Variants in ALLC observed in about 807,000 individuals in gnomAD.
ALLC encodes probable inactive allantoicase.
In ALLC, 40 loss-of-function variants were observed where a neutral mutation model predicts 45.0. The ratio of observed to expected loss-of-function variants is 0.89; its 90% CI spans 0.69 to 1.16. The LOEUF (loss-of-function observed/expected upper bound fraction) is 1.16, where lower values mean the gene tolerates loss of function less well. Among genes scored for constraint, ALLC ranks in the 50% most tolerant of loss-of-function variants. The pLI is 0.00. For missense variants in ALLC, 488 were observed against 493.1 expected (o/e 0.99, Z 0.10); for synonymous variants, 176 against 178.1 (o/e 0.99, Z 0.09).
At chr2:3,695,442 C>T in intron 7 of ALLC, 1 of 381,436 alleles carries the variant, frequency 2.6e-6, no homozygotes, top group East Asian at 5.0e-5. Context: ...GAGGAGACAA[C>T]TTCAGAGCAT....
intron 1 of ALLC, among the ~76,000 whole-genome samples, chr2:3,666,586 A>G (rs1428697016): frequency 6.6e-6 from 1 of 152,234 alleles, no homozygotes; most frequent in African/African-American, 2.4e-5. Context: ...AGAGGCAGAT[A>G]ATAAATATAT....
upstream of ALLC, among the ~76,000 whole-genome samples, chr2:3,653,759 G>A (rs556274469): frequency 2.6e-4 from 40 of 152,090 alleles, no homozygotes; most frequent in African/African-American, 9.4e-4. This position sits in a 1 kb window ranked among gnomAD's most constrained non-coding sequence, Gnocchi z 4.1. Context: ...GCAGAGCTGA[G>A]GGAAGACTCT....
chr2:3,651,296 TTGGGTGGGTGGGTGGGTG>T, the ALLC span, among the ~76,000 whole-genome samples: 36 of 3,940 alleles, frequency 9.1e-3, 6 homozygotes, highest in Middle Eastern at 0.062. Context: ...GGAATTCTTT[TTGGGTGGGTGGGTGGGTG>T]GGGGGGGTGT....
chr2:3,653,181 A>G, the ALLC span, among the ~76,000 whole-genome samples: 1 of 152,272 alleles, frequency 6.6e-6, no homozygotes, highest in Non-Finnish European at 1.5e-5. This position sits in a 1 kb window ranked among gnomAD's most constrained non-coding sequence, Gnocchi z 4.1. Flanking sequence ...CTCCACTCAG[A>G]GCTGGAGCAT....
intron 7 of ALLC, among the ~76,000 whole-genome samples, chr2:3,691,433 T>G (rs2148016604): frequency 6.8e-6 from 1 of 147,108 alleles, no homozygotes; most frequent in East Asian, 2.0e-4. Flanking sequence ...TTTGTATTTG[T>G]TTTTTTTTTT....
chr2:3,665,472 A>C (rs1572505880), intron 1 of ALLC, among the ~76,000 whole-genome samples: 2 of 150,624 alleles, frequency 1.3e-5, no homozygotes, highest in African/African-American at 4.9e-5. Context: ...TCCTCCCCCC[A>C]CCCCCGACAG....
chr2:3,684,366 A>G (rs1287883735), intron 7 of ALLC, among the ~76,000 whole-genome samples: 2 of 152,022 alleles, frequency 1.3e-5, no homozygotes, highest in Non-Finnish European at 2.9e-5. Flanking sequence ...TCATATGTTT[A>G]TTGGCCATTT....
rs200397381 is a variant in ALLC, at chr2:3,697,440, C to G, written c.834C>G (p.Asp278Glu). Reference protein sequence around the residue: ...HPGVITRIEIDTKYFEGNAPD... With the variant: ...HPGVITRIEIETKYFEGNAPD... The stretch of plus-strand genomic sequence containing the variant: ...GAGTAATAACTCGAATTGAAATTGA[C>G]ACAAAATATTTTGAAGGTAAATGCA... Residue 278 changes from aspartate to glutamate, a missense_variant, in exon 10 of 12, where the codon GAC (aspartate) becomes GAG (glutamate). Physicochemically the swap from Asp to Glu is conservative, Grantham distance 45. Transcript: ENST00000252505. The G allele has an allele frequency of 2.5e-3, 4,050 of 1,613,516 alleles. 8 individuals are homozygous for G. Among genetic ancestry groups the G allele is most frequent in the Non-Finnish European group, 3.2e-3 (3,771 of 1,179,568 alleles).
At chr2:3,666,789 C>A (rs1055898954) in intron 1 of ALLC, among the ~76,000 whole-genome samples, 5 of 152,048 alleles carry the variant, frequency 3.3e-5, no homozygotes, top group African/African-American at 1.2e-4. Flanking sequence ...ATGGTGGGGG[C>A]GACGGTGGTG....
intron 6 of ALLC, 97 bp from the exon 7 acceptor site, chr2:3,682,845 C>A: frequency 1.5e-6 from 2 of 1,336,710 alleles, no homozygotes; most frequent in South Asian, 1.4e-5. Context: ...ATTTTTATTC[C>A]AAAGTATCTC....
At position 3,696,331 on chromosome 2, in the gene ALLC, C is replaced by T. The variant is rs200233346; in HGVS notation, c.724C>T (p.Arg242Trp). 6.4e-5 allele frequency: 103 copies of T among 1,612,698 alleles called. No homozygotes were observed. The highest frequency in any genetic ancestry group is 3.1e-4 in the African/African-American group (23 of 74,978). ...DGWETARRLD[R>W]PPILENDENG... ...TTGGGAAACTGCAAGAAGGCTGGACCGGCCACCAATATTAGAAGTAAGAAG... is the reference window on the plus strand; with the variant it reads ...TTGGGAAACTGCAAGAAGGCTGGACTGGCCACCAATATTAGAAGTAAGAAG... The change falls in exon 9 of 12, where the codon CGG (arginine) becomes TGG (tryptophan). Residue 242 changes from arginine to tryptophan, a missense_variant. Coordinates refer to ENST00000252505, the MANE Select transcript of ALLC (RefSeq NM_018436.4).
intron 3 of ALLC, among the ~76,000 whole-genome samples, chr2:3,676,925 C>G (rs1667038671): frequency 6.6e-6 from 1 of 151,914 alleles, no homozygotes; most frequent in South Asian, 2.1e-4. Flanking sequence ...GTAGCTGGGA[C>G]TACAGGCACC....
chr2:3,700,819 T>C (rs1450160588), intron 10 of ALLC, among the ~76,000 whole-genome samples: 1 of 152,212 alleles, frequency 6.6e-6, no homozygotes, highest in African/African-American at 2.4e-5. Flanking sequence ...AAAGGGGGCA[T>C]GTGAGCCACA....
intron 7 of ALLC, among the ~76,000 whole-genome samples, chr2:3,686,354 C>G (rs1594318): frequency 0.43 from 65,342 of 150,476 alleles, 16,349 homozygotes; most frequent in African/African-American, 0.59. Context: ...TTCTGATTTG[C>G]TTATATAGCT....
intron 7 of ALLC, among the ~76,000 whole-genome samples, chr2:3,691,460 ACCATGTTGC>A (rs994184346): frequency 1.3e-5 from 2 of 151,346 alleles, no homozygotes; most frequent in African/African-American, 4.9e-5. Flanking sequence ...ATGGGGTTTT[ACCATGTTGC>A]CCAGGCTGGT....
intron 3 of ALLC, among the ~76,000 whole-genome samples, chr2:3,676,510 T>C (rs1031068339): frequency 3.3e-5 from 5 of 152,140 alleles, no homozygotes; most frequent in African/African-American, 1.2e-4. Context: ...GCCTCCCAAA[T>C]GGCTGGGATT....
At chr2:3,677,113 C>T (rs910202602) in intron 3 of ALLC, among the ~76,000 whole-genome samples, 4 of 152,102 alleles carry the variant, frequency 2.6e-5, no homozygotes, top group African/African-American at 9.7e-5. Flanking sequence ...TTAAGGAACA[C>T]ACATTTTTAA....
intron 7 of ALLC, among the ~76,000 whole-genome samples, chr2:3,692,430 A>G (rs1390705166): frequency 6.6e-6 from 1 of 152,252 alleles, no homozygotes; most frequent in Non-Finnish European, 1.5e-5. Flanking sequence ...GTGTTGGGCC[A>G]CATTCAAAGC....
At position 3,697,376 on chromosome 2, in the gene ALLC, C is replaced by T. The variant is rs375032704; in HGVS notation, c.770C>T (p.Pro257Leu). The T allele has an allele frequency of 3.7e-5, 59 of 1,613,742 alleles. No homozygotes were observed. Among genetic ancestry groups the T allele is most frequent in the Non-Finnish European group, 4.7e-5 (56 of 1,179,770 alleles). The change falls in exon 10 of 12, where the codon CCG becomes CTG. Residue 257 changes from proline (P) to leucine (L), a missense_variant. Pro to Leu is a moderately conservative substitution (Grantham distance 98). Transcript: ENST00000252505. ...ENDENGILLV[P>L]GCEWAVFRLA... ...GATGAGAATGGCATTCTCTTGGTTC[C>T]GGGTTGTGAATGGGCAGTTTTCCGA...
Sources: gnomAD v4.1 joint callset for allele counts (sites outside exome capture counted in the v4.1 genomes callset) on GRCh38, gnomAD v4.1.1 for gene constraint, Gnocchi (gnomAD v3.1) non-coding constraint, MANE v1.5 for transcripts, NCBI Gene and HGNC (gene_info 2026-07-23, HGNC 2026-07-21) for gene names.